Variants in TAFA2 observed in about 807,000 individuals in gnomAD.
TAFA2 encodes the protein TAFA chemokine like family member 2, also known as chemokine-like protein TAFA-2.
Under a neutral mutation model 18.8 loss-of-function variants are expected in TAFA2, and 7 were observed. The ratio of observed to expected loss-of-function variants is 0.37; its 90% confidence interval spans 0.21 to 0.70. The LOEUF is 0.70. TAFA2 is among the 30% of genes least tolerant of loss of function. TAFA2 has a pLI of 0.53. For missense variants in TAFA2, 122 were observed against 158.1 expected, an observed-to-expected ratio of 0.77 and a Z score of 1.23; for synonymous variants, 60 against 54.2, an observed-to-expected ratio of 1.11 and a Z score of -0.47.
At chr12:61,908,932 T>C (rs1249534517) in intron 1 of TAFA2, among the ~76,000 whole-genome samples, 4 of 152,188 alleles carry the variant, frequency 2.6e-5, no homozygotes, top group Non-Finnish European at 5.9e-5. Context: ...AAAATCAGTT[T>C]ATTCTCCTGC....
chr12:61,795,601 A>AGCATTGGG (rs1871157045), intron 2 of TAFA2, among the ~76,000 whole-genome samples: 1 of 152,030 alleles, frequency 6.6e-6, no homozygotes, highest in African/African-American at 2.4e-5. Context: ...AGGGAGGCAT[A>AGCATTGGG]GCATTGGGAG....
intron 1 of TAFA2, among the ~76,000 whole-genome samples, chr12:62,118,387 A>G (rs910980768): frequency 1.3e-5 from 2 of 152,074 alleles, no homozygotes; most frequent in Non-Finnish European, 2.9e-5. Flanking sequence ...ACTGATGTCT[A>G]TTTAGATTGT....
intron 2 of TAFA2, among the ~76,000 whole-genome samples, chr12:61,811,997 T>C (rs1056305576): frequency 5.3e-5 from 8 of 151,288 alleles, no homozygotes; most frequent in Admixed American, 4.6e-4. Context: ...CTATCCTCTT[T>C]CCCCTATGTG....
chr12:61,878,140 G>A, intron 1 of TAFA2: 3 of 452,396 alleles, frequency 6.6e-6, no homozygotes, highest in South Asian at 4.7e-5. Flanking sequence ...ATTACCAGGA[G>A]CTGAAGGGAG....
intron 1 of TAFA2, among the ~76,000 whole-genome samples, chr12:62,011,070 C>T (rs1327648460): frequency 6.1e-5 from 9 of 146,482 alleles, no homozygotes; most frequent in East Asian, 2.1e-4. Context: ...CCAGCCGCCC[C>T]GTCTGGGAGG....
At chr12:61,815,421 C>A (rs1221028506) in intron 2 of TAFA2, among the ~76,000 whole-genome samples, 1 of 151,224 alleles carries the variant, frequency 6.6e-6, no homozygotes, top group African/African-American at 2.5e-5. Flanking sequence ...AATCCCAGCA[C>A]TTTGGGAGGC....
chr12:62,103,003 C>T (rs79173073), intron 1 of TAFA2, among the ~76,000 whole-genome samples: 8,247 of 152,300 alleles, frequency 0.054, 335 homozygotes, highest in Non-Finnish European at 0.083. Flanking sequence ...CTTTCTACAG[C>T]ACATCCTTGT....
chr12:61,893,734 A>G (rs1266864057), intron 1 of TAFA2, among the ~76,000 whole-genome samples: 1 of 152,228 alleles, frequency 6.6e-6, no homozygotes, highest in Non-Finnish European at 1.5e-5. Flanking sequence ...TCTATGTTTT[A>G]GTTTGTGCAA....
intron 1 of TAFA2, among the ~76,000 whole-genome samples, chr12:61,955,633 ATATAT>A (rs1467567279): frequency 9.1e-4 from 8 of 8,764 alleles, no homozygotes; most frequent in East Asian, 0.011. Flanking sequence ...AAAAAAAAAA[ATATAT>A]ATATATATAT....
In TAFA2 at chr12:62,233,131, A is replaced by G. The variant is rs1204581336; in HGVS notation, c.-130+25632T>C. 3.6e-5 allele frequency among the ~76,000 whole-genome samples: 4 copies of G among 112,194 alleles called. No homozygotes were observed. The Admixed American group carries it at 4.2e-4, about 12-fold the overall frequency. 73.6% of individuals were successfully genotyped at this position (112,194 alleles called of 152,430 possible). A position where few individuals can be genotyped will look rare whatever the true frequency, so the allele number is the denominator to read the frequency against. On this transcript the variant is annotated intron_variant, in intron 1 of 5. Transcript: ENST00000551619. ...AGCCTCATTCTGTCACTCGGGCTGG[A>G]GTGCAATTGTGCCATCCTGGCTCAC...
At chr12:62,047,304 A>G (rs1340354321) in intron 1 of TAFA2, among the ~76,000 whole-genome samples, 2 of 152,258 alleles carry the variant, frequency 1.3e-5, no homozygotes, top group East Asian at 1.9e-4. Context: ...GATAAACTGT[A>G]TGATATTTGG....
At chr12:62,110,065 A>G (rs1264469840) in intron 1 of TAFA2, among the ~76,000 whole-genome samples, 2 of 143,468 alleles carry the variant, frequency 1.4e-5, no homozygotes, top group Non-Finnish European at 3.1e-5. Flanking sequence ...TTCGTTTTCA[A>G]AGGTAATGCT....
chr12:61,834,651 A>G (rs1386500950), intron 2 of TAFA2, among the ~76,000 whole-genome samples: 2 of 152,028 alleles, frequency 1.3e-5, no homozygotes, highest in Admixed American at 6.6e-5. Flanking sequence ...ATGTCAACTC[A>G]TGGGAGACTA....
chr12:62,253,312 G>A (rs2062923416), intron 1 of TAFA2: 1 of 152,128 alleles, frequency 6.6e-6, no homozygotes. Flanking sequence ...AGTCCCATAG[G>A]TCCATCCACA....
At chr12:62,113,086 T>A (rs1178231402) in intron 1 of TAFA2, among the ~76,000 whole-genome samples, 1 of 152,160 alleles carries the variant, frequency 6.6e-6, no homozygotes, top group African/African-American at 2.4e-5. Flanking sequence ...ATTTTCAGGC[T>A]TTTTGGGCTG....
intron 1 of TAFA2, among the ~76,000 whole-genome samples, chr12:61,898,323 C>T (rs996024487): frequency 6.6e-6 from 1 of 152,230 alleles, no homozygotes; most frequent in Non-Finnish European, 1.5e-5. Context: ...CACAGCTCCA[C>T]TAGGCAGTGC....
chr12:61,975,545 A>C (rs1458034866), intron 1 of TAFA2, among the ~76,000 whole-genome samples: 4 of 9,716 alleles, frequency 4.1e-4, no homozygotes, highest in South Asian at 3.7e-3. Flanking sequence ...GTGTGTGTGT[A>C]TCCCAATTTC....
At chr12:62,012,007 GCTA>G (rs1565715513) in intron 1 of TAFA2, among the ~76,000 whole-genome samples, 1 of 152,102 alleles carries the variant, frequency 6.6e-6, no homozygotes, top group African/African-American at 2.4e-5. Flanking sequence ...GTGTTTATAC[GCTA>G]CTGACAATTG....
intron 2 of TAFA2, among the ~76,000 whole-genome samples, chr12:61,813,567 A>C (rs1016244311): frequency 7.3e-5 from 11 of 151,382 alleles, no homozygotes; most frequent in African/African-American, 2.7e-4. Flanking sequence ...GGTGAATATT[A>C]GCCTGCAATT....
Sources: allele counts gnomAD v4.1 joint callset (sites outside exome capture counted in the v4.1 genomes callset), GRCh38; gene constraint gnomAD v4.1.1; transcripts MANE v1.5; gene names NCBI Gene and HGNC (gene_info 2026-07-23, HGNC 2026-07-21).